The following IMPG2 variants were observed in gnomAD, a reference collection of about 807,000 sequenced individuals.
The protein encoded by IMPG2 is IPM 200.
IMPG2 carries 91 observed loss-of-function variants against 129.2 expected under a neutral mutation model. That is an observed-to-expected ratio of 0.70 (90% confidence interval 0.59 to 0.84). The LOEUF is 0.84. Ranked by LOEUF, IMPG2 falls within the 40% of genes least tolerant of loss-of-function variation. IMPG2 has a pLI of 0.00. For synonymous variants in IMPG2, 510 were observed against 517.7 expected, an observed-to-expected ratio of 0.99 and a Z score of 0.20; for missense variants, 1,430 against 1,461.7, an observed-to-expected ratio of 0.98 and a Z score of 0.35.
intron 18 of IMPG2, among the ~76,000 whole-genome samples, 158 bp from the exon 19 acceptor site, chr3:101,227,139 A>AT (rs1706233930): frequency 6.6e-6 from 1 of 151,974 alleles, no homozygotes; most frequent in Non-Finnish European, 1.5e-5. Context: ...TGTGCTAAAA[A>AT]TTTTTTTAAT....
intron 2 of IMPG2, among the ~76,000 whole-genome samples, chr3:101,313,773 G>T (rs2058768474): frequency 6.6e-6 from 1 of 151,990 alleles, no homozygotes; most frequent in Admixed American, 6.6e-5. Context: ...GAAATATAAG[G>T]CATAGAAATT....
At chr3:101,269,649 T>G in intron 7 of IMPG2, 76 bp from the exon 8 acceptor site, 1 of 896,390 alleles carries the variant, frequency 1.1e-6, no homozygotes, top group South Asian at 1.4e-5. Context: ...CTTTTAAGAG[T>G]AGAATAAAAA....
At position 101,224,576 on chromosome 3, in the gene IMPG2, A is replaced by G. The variant is rs1242534138; in HGVS notation, c.*2393T>C. The G allele has an allele frequency of 6.6e-6, 1 of 152,242 alleles. No homozygotes were observed. Among genetic ancestry groups the G allele is most frequent in the African/African-American group, 2.4e-5 (1 of 41,464 alleles). 9.4% of individuals were successfully genotyped at this position (152,242 alleles called of 1,614,324 possible). On this transcript the variant is annotated 3_prime_UTR_variant, in exon 19 of 19. Transcript: ENST00000193391. ...CTTCGAGGAAGGTCTTTTAGAAAGA[A>G]GCTCTTTAGGGGTAGTTTTTTCCAT...
At chr3:101,239,365 C>A (rs1028211343) in intron 14 of IMPG2, among the ~76,000 whole-genome samples, 1 of 152,116 alleles carries the variant, frequency 6.6e-6, no homozygotes, top group African/African-American at 2.4e-5. Context: ...TACAGAAATG[C>A]AAATGAAAAT....
At chr3:101,250,342 A>G (rs1445787178) in intron 11 of IMPG2, among the ~76,000 whole-genome samples, 2 of 152,226 alleles carry the variant, frequency 1.3e-5, no homozygotes, top group East Asian at 3.8e-4. Context: ...AAAGTTAAGT[A>G]AAAACATCAG....
intron 18 of IMPG2, among the ~76,000 whole-genome samples, chr3:101,227,581 G>C (rs1364231601): frequency 6.6e-6 from 1 of 152,214 alleles, no homozygotes; most frequent in African/African-American, 2.4e-5. Context: ...AAACATTCCT[G>C]TTATTTCTAT....
At chr3:101,304,076 C>T (rs935026135) in intron 3 of IMPG2, 70 bp downstream of exon 3, 5 of 1,545,784 alleles carry the variant, frequency 3.2e-6, no homozygotes, top group Non-Finnish European at 4.5e-6. Flanking sequence ...GCTTTTGCTT[C>T]CTTTAGGCCT....
chr3:101,281,447 C>T (rs553846622), intron 4 of IMPG2, among the ~76,000 whole-genome samples: 11 of 152,268 alleles, frequency 7.2e-5, no homozygotes, highest in Admixed American at 6.5e-4. Context: ...TGAATACAGG[C>T]AGAAAATGTT....
chr3:101,232,115 G>A lies in IMPG2; in HGVS notation c.3233+666C>T, dbSNP rs1706293984. Reference sequence around the variant, plus strand: ...TTTTCACTTTCAGATATAGAGGAACGTGATCTTATGCCTAAACCTCATTTG... The same window carrying A: ...TTTTCACTTTCAGATATAGAGGAACATGATCTTATGCCTAAACCTCATTTG... On this transcript the variant is annotated intron_variant, in intron 15 of 18. Coordinates refer to ENST00000193391, the MANE Select transcript of IMPG2 (RefSeq NM_016247.4). 4.6e-5 allele frequency among the ~76,000 whole-genome samples: 7 copies of A among 152,188 alleles called. No individual in the cohort carries two copies. The South Asian group carries it at 1.2e-3, about 27-fold the overall frequency.
intron 4 of IMPG2, among the ~76,000 whole-genome samples, chr3:101,282,132 TGGA>T (rs1282607382): frequency 3.3e-5 from 5 of 152,196 alleles, no homozygotes; most frequent in African/African-American, 1.2e-4. Context: ...TGGGAGTTAA[TGGA>T]GTAGTGACAC....
In IMPG2 at chr3:101,226,404, T is replaced by A. The variant is rs995361821; in HGVS notation, c.*565A>T. ...TAGAAGCATAAAAATACAACCCGAA[T>A]TCTATCCTGCAGCAAAAAAGTTTGC... On this transcript the variant is annotated 3_prime_UTR_variant, in exon 19 of 19. Transcript: ENST00000193391. The A allele has an allele frequency of 2.9e-4, 44 of 151,874 alleles. No individual in the cohort carries two copies. Among genetic ancestry groups the A allele is most frequent in the African/African-American group, 1.0e-3 (43 of 41,264 alleles). The allele number at this position is 151,874 out of a possible 1,614,324, so 9.4% of individuals were successfully genotyped here. A position where few individuals can be genotyped will look rare whatever the true frequency, so the allele number is the denominator to read the frequency against.
chr3:101,284,982 T>C (rs1043577519), intron 4 of IMPG2, among the ~76,000 whole-genome samples: 4 of 152,240 alleles, frequency 2.6e-5, no homozygotes, highest in Non-Finnish European at 4.4e-5. Context: ...TCCCAGAGAC[T>C]GTTAACTAAT....
rs1470905124 is a variant in IMPG2, at chr3:101,270,197, G to A, written c.829-624C>T. Among the ~76,000 whole-genome samples, 4 of 151,740 alleles carry A rather than the reference G, an allele frequency of 2.6e-5. No individual in the cohort carries two copies. In the East Asian group the frequency reaches 7.8e-4, roughly 30 times the overall value. The stretch of plus-strand genomic sequence containing the variant: ...GGTGATCCACCTGCCTCAGCCTCCC[G>A]AAGTGCTAGGATTACAGGCCTGTAA... On this transcript the variant is annotated intron_variant, in intron 7 of 18. Coordinates refer to ENST00000193391, the MANE Select transcript of IMPG2 (RefSeq NM_016247.4).
intron 2 of IMPG2, among the ~76,000 whole-genome samples, chr3:101,308,874 C>A (rs183456200): frequency 1.9e-4 from 29 of 152,280 alleles, no homozygotes; most frequent in Middle Eastern, 3.4e-3. Flanking sequence ...ATATATAAAT[C>A]TGAACACTTT....
In IMPG2 at chr3:101,244,722, T is replaced by C. The variant is rs148472093; in HGVS notation, c.1609A>G (p.Thr537Ala). ...ATTGTTTCTTTTGGCACAGGTTGAG[T>C]GAATGAACTTGAAGGCAATGAATCA... ...SIDSLPSSSF[T>A]QPVPKETIPS... is the part of the protein sequence containing the mutation. The change falls in exon 13 of 19, where the codon ACT (threonine) becomes GCT (alanine). Residue 537 changes from threonine (T) to alanine (A), a missense_variant. Thr to Ala is a moderately conservative substitution (Grantham distance 58, BLOSUM62 0). Coordinates refer to ENST00000193391, the MANE Select transcript of IMPG2 (RefSeq NM_016247.4). 18 of 1,614,018 alleles carry C rather than the reference T, an allele frequency of 1.1e-5. No individual in the cohort carries two copies. The highest frequency in any genetic ancestry group is 2.7e-5 in the African/African-American group (2 of 75,028).
intron 2 of IMPG2, among the ~76,000 whole-genome samples, chr3:101,318,747 T>A (rs929426158): frequency 6.6e-6 from 1 of 152,140 alleles, no homozygotes; most frequent in Non-Finnish European, 1.5e-5. Context: ...CACATCCATA[T>A]TATGGCTTTT....
intron 6 of IMPG2, among the ~76,000 whole-genome samples, chr3:101,275,090 C>A: frequency 6.6e-6 from 1 of 151,350 alleles, no homozygotes. Context: ...GATTTGTGAA[C>A]CCCCTAATTT....
At position 101,244,385 on chromosome 3, in the gene IMPG2, A is replaced by G. The variant is rs146644083; in HGVS notation, c.1946T>C (p.Leu649Pro). The G allele has an allele frequency of 2.9e-5, 47 of 1,614,016 alleles. No individual in the cohort carries two copies. The African/African-American group carries it at 5.1e-4, about 17-fold the overall frequency. ...LLPAEIEDKK[L>P]VLVDKMDSTD... ...GGAATCCATTTTGTCAACTAAAACTAGTTTCTTGTCTTCAATCTCAGCTGG... is the reference window on the plus strand; with the variant it reads ...GGAATCCATTTTGTCAACTAAAACTGGTTTCTTGTCTTCAATCTCAGCTGG... The change falls in exon 13 of 19, where the codon CTA becomes CCA. Residue 649 changes from leucine to proline, a missense_variant. Physicochemically the swap from Leu to Pro is moderately conservative, Grantham distance 98 (BLOSUM62 -3). Transcript: ENST00000193391.
intron 2 of IMPG2, among the ~76,000 whole-genome samples, chr3:101,308,661 T>G (rs561797012): frequency 1.3e-5 from 2 of 152,236 alleles, no homozygotes; most frequent in African/African-American, 4.8e-5. Flanking sequence ...ACCTCTGACA[T>G]GCCCTGAAGA....
Sources: allele counts gnomAD v4.1 joint callset (sites outside exome capture counted in the v4.1 genomes callset), GRCh38; gene constraint gnomAD v4.1.1; transcripts MANE v1.5; gene names NCBI Gene and HGNC (gene_info 2026-07-23, HGNC 2026-07-21).